BRDT: variants seen among roughly 807,000 people sequenced by gnomAD.
BRDT encodes the protein bromodomain testis-specific protein.
BRDT carries 77 observed loss-of-function variants against 113.9 expected under a neutral mutation model. The observed-to-expected ratio is 0.68, with a 90% CI of 0.56 to 0.82. BRDT has a LOEUF of 0.82. Among genes scored for constraint, BRDT ranks in the 40% least tolerant of loss-of-function variants. The pLI is 0.00. For missense variants in BRDT, 1,027 were observed against 1,105.4 expected (o/e 0.93, Z 1.01); for synonymous variants, 358 against 366.5 (o/e 0.98, Z 0.26).
At chr1:91,972,006 C>CTTTTTTTTTTTTTTTTTTTT (rs1002745728) in intron 4 of BRDT, among the ~76,000 whole-genome samples, 1 of 145,008 alleles carries the variant, frequency 6.9e-6, no homozygotes, top group Non-Finnish European at 1.5e-5. Flanking sequence ...GCTATTGTTC[C>CTTTTTTTTTTTTTTTTTTTT]TTTTTTTTTT....
intron 13 of BRDT, among the ~76,000 whole-genome samples, chr1:91,992,033 A>G (rs1184154121): frequency 4.0e-5 from 6 of 150,680 alleles, no homozygotes; most frequent in Non-Finnish European, 8.9e-5. Context: ...AGAAAAAGAA[A>G]AGAACAGAAG....
At chr1:91,971,759 A>T (rs1683646033) in intron 4 of BRDT, among the ~76,000 whole-genome samples, 2 of 152,250 alleles carry the variant, frequency 1.3e-5, no homozygotes, top group Non-Finnish European at 1.5e-5. Context: ...AGAACATTCC[A>T]GCTAGAGGAA....
In BRDT at chr1:92,003,602, G is replaced by A. The variant is rs1285956341; in HGVS notation, c.2389-812G>A. 2.6e-5 allele frequency among the ~76,000 whole-genome samples: 4 copies of A among 152,092 alleles called. No homozygotes were observed. In the East Asian group the frequency reaches 7.7e-4, roughly 29 times the overall value. ...ATTCAGTTTCGGAAGACTTAGATGT[G>A]TTTGGAACAGTTTGACTATACATAA... On this transcript the variant is annotated intron_variant, in intron 16 of 18. Coordinates refer to ENST00000399546, the MANE Select transcript of BRDT (RefSeq NM_207189.4).
intron 16 of BRDT, among the ~76,000 whole-genome samples, chr1:92,003,667 G>A (rs1687043123): frequency 2.0e-5 from 3 of 152,296 alleles, no homozygotes; most frequent in Non-Finnish European, 4.4e-5. Context: ...TCTAATTATA[G>A]ATCAATTGTT....
At position 92,004,540 on chromosome 1, in the gene BRDT, A is replaced by G. The variant is rs1420659736; in HGVS notation, c.2515A>G (p.Lys839Glu). ...AAAAGCAGCCATAGAAAAGGAAGTAAAAGCTCGGACACAGGAACTCATACG... is the reference window on the plus strand; with the variant it reads ...AAAAGCAGCCATAGAAAAGGAAGTAGAAGCTCGGACACAGGAACTCATACG... Reference protein sequence around the residue: ...FRKAAIEKEVKARTQELIRKH... With the variant: ...FRKAAIEKEVEARTQELIRKH... The change falls in exon 17 of 19, where the codon AAA becomes GAA. Residue 839 changes from lysine to glutamate, a missense_variant. Coordinates refer to ENST00000399546, the MANE Select transcript of BRDT (RefSeq NM_207189.4). 4 of 1,613,432 alleles carry G rather than the reference A, an allele frequency of 2.5e-6. No individual in the cohort carries two copies. The highest frequency in any genetic ancestry group is 1.3e-5 in the African/African-American group (1 of 74,894).
At chr1:92,009,672 C>G (rs544537267) in intron 18 of BRDT, among the ~76,000 whole-genome samples, 108 of 150,892 alleles carry the variant, frequency 7.2e-4, no homozygotes, top group African/African-American at 2.5e-3. Flanking sequence ...ACCCCAACCC[C>G]CCAGTAGCTG....
At chr1:92,005,892 T>A (rs1687252072) in intron 18 of BRDT, among the ~76,000 whole-genome samples, 1 of 152,248 alleles carries the variant, frequency 6.6e-6, no homozygotes. Context: ...GGTCAGCATT[T>A]CTTCGGTTGA....
At position 91,996,065 on chromosome 1, in the gene BRDT, T is replaced by C. The variant is rs192440014; in HGVS notation, c.2287+1811T>C. Among the ~76,000 whole-genome samples, 309 of 152,254 alleles carry C rather than the reference T, an allele frequency of 2.0e-3. 5 individuals carry two copies. Among genetic ancestry groups the C allele is most frequent in the Non-Finnish European group, 1.9e-3 (130 of 68,026 alleles). ...GTATGAAATATTTATGTCTACTCTT[T>C]TTTTGAAATACATTTTCAAGATACT... On this transcript the variant is annotated intron_variant, in intron 15 of 18. Coordinates refer to ENST00000399546, the MANE Select transcript of BRDT (RefSeq NM_207189.4).
At chr1:92,007,896 TATTC>T (rs374044683) in intron 18 of BRDT, among the ~76,000 whole-genome samples, 10,031 of 150,712 alleles carry the variant, frequency 0.067, 386 homozygotes, top group African/African-American at 0.096. Flanking sequence ...TTTATTTATT[TATTC>T]ATTCATTCAT....
intron 1 of BRDT, among the ~76,000 whole-genome samples, chr1:91,954,650 A>G (rs558948578): frequency 5.3e-5 from 8 of 152,288 alleles, no homozygotes; most frequent in Non-Finnish European, 1.2e-4. Context: ...ACAACTCACT[A>G]TAAACATTAG....
At chr1:91,994,278 C>G (rs1686071470) in intron 15 of BRDT, 24 bp downstream of exon 15, 1 of 1,553,436 alleles carries the variant, frequency 6.4e-7, no homozygotes, top group African/African-American at 1.4e-5. Flanking sequence ...AAGTAAACAA[C>G]TGTTATTGAG....
At chr1:91,960,860 G>A (rs1291064519) in intron 1 of BRDT, among the ~76,000 whole-genome samples, 2 of 152,118 alleles carry the variant, frequency 1.3e-5, no homozygotes, top group Admixed American at 6.6e-5. Context: ...TTATGTGCAC[G>A]TTGGTAGTAC....
chr1:92,008,324 T>C (rs1237410168), intron 18 of BRDT, among the ~76,000 whole-genome samples: 2 of 152,214 alleles, frequency 1.3e-5, no homozygotes, highest in Non-Finnish European at 2.9e-5. Context: ...AATAGTTCTT[T>C]CCACTTTTGT....
rs949948172 is a variant in BRDT, at chr1:92,004,713, A to G, written c.2594+94A>G. On this transcript the variant is annotated intron_variant, in intron 17 of 18. Coordinates refer to ENST00000399546, the MANE Select transcript of BRDT (RefSeq NM_207189.4). ...TTATTTGTTAAGTGACTATGATTCA[A>G]CTGTTTAGTAGAACACAGAGCAAAT... is the stretch of plus-strand genomic sequence containing the variant. The G allele has an allele frequency of 2.3e-5, 26 of 1,149,978 alleles. No homozygotes were observed. The African/African-American group carries it at 3.3e-4, about 15-fold the overall frequency. 71.2% of individuals were successfully genotyped at this position (1,149,978 alleles called of 1,614,324 possible).
At chr1:92,014,081 A>T (rs879458517) in intron 18 of BRDT, 125 bp from the exon 19 acceptor site, 4 of 620,256 alleles carry the variant, frequency 6.4e-6, no homozygotes, top group Non-Finnish European at 1.1e-5. Context: ...AATAAAAATT[A>T]AAAAATTATT....
At chr1:91,994,768 T>C (rs961019971) in intron 15 of BRDT, among the ~76,000 whole-genome samples, 2 of 144,202 alleles carry the variant, frequency 1.4e-5, no homozygotes, top group African/African-American at 5.2e-5. Context: ...CTTGGGAGGC[T>C]GAGGCAGGAG....
In BRDT at chr1:91,980,565, T is replaced by C. The variant is rs561017355; in HGVS notation, c.1288-78T>C. ...ATTTCACAAAAGACATTCTTGACTT[T>C]GGAGTGGCTTGATTTTTTTCTAGTT... is the stretch of plus-strand genomic sequence containing the variant. On this transcript the variant is annotated intron_variant, in intron 8 of 18. Transcript: ENST00000399546. The C allele has an allele frequency of 5.9e-5, 72 of 1,222,828 alleles. No homozygotes were observed. The African/African-American group carries it at 1.0e-3, about 17-fold the overall frequency. 75.7% of individuals were successfully genotyped at this position (1,222,828 alleles called of 1,614,324 possible). A position where few individuals can be genotyped will look rare whatever the true frequency, so the allele number is the denominator to read the frequency against.
At chr1:92,009,160 C>G (rs1687586351) in intron 18 of BRDT, among the ~76,000 whole-genome samples, 1 of 152,176 alleles carries the variant, frequency 6.6e-6, no homozygotes, top group Non-Finnish European at 1.5e-5. Flanking sequence ...ATTTCATTCT[C>G]TGCTTCTATG....
intron 4 of BRDT, among the ~76,000 whole-genome samples, chr1:91,973,510 T>A (rs11165904): frequency 6.6e-6 from 1 of 151,518 alleles, no homozygotes. Context: ...CCCTTGTAAG[T>A]TGGATTCCTA....
Sources: gnomAD v4.1 joint callset for allele counts (sites outside exome capture counted in the v4.1 genomes callset) on GRCh38, gnomAD v4.1.1 for gene constraint, MANE v1.5 for transcripts, NCBI Gene and HGNC (gene_info 2026-07-23, HGNC 2026-07-21) for gene names.